MAGI2: variants seen among roughly 807,000 people sequenced by gnomAD.
MAGI2 encodes membrane-associated guanylate kinase, WW and PDZ domain-containing protein 2.
In MAGI2, 35 loss-of-function variants were observed where a neutral mutation model predicts 133.3. That is an observed-to-expected ratio of 0.26 (90% CI 0.20 to 0.35). MAGI2 has a LOEUF of 0.35. Ranked by LOEUF, MAGI2 falls within the 10% of genes least tolerant of loss-of-function variation. MAGI2 has a pLI of 1.00. For missense variants in MAGI2, 1,636 were observed against 1,863.4 expected, an observed-to-expected ratio of 0.88 and a Z score of 2.25; for synonymous variants, 729 against 710.6, an observed-to-expected ratio of 1.03 and a Z score of -0.41.
chr7:78,126,435 A>G (rs577565564), intron 19 of MAGI2, among the ~76,000 whole-genome samples: 59 of 152,318 alleles, frequency 3.9e-4, no homozygotes, highest in African/African-American at 1.3e-3. Flanking sequence ...ATAAAACACA[A>G]TGTAATCTGA....
At chr7:78,870,440 C>CA in intron 2 of MAGI2, among the ~76,000 whole-genome samples, 1 of 150,680 alleles carries the variant, frequency 6.6e-6, no homozygotes, top group South Asian at 2.1e-4. Flanking sequence ...AAAAAATATA[C>CA]AAAAAAATGC....
intron 2 of MAGI2, among the ~76,000 whole-genome samples, chr7:78,954,232 G>A (rs1802110556): frequency 6.6e-6 from 1 of 152,010 alleles, no homozygotes; most frequent in Admixed American, 6.6e-5. Flanking sequence ...TACTTCTTAT[G>A]GAGAACCCCT....
intron 1 of MAGI2, among the ~76,000 whole-genome samples, chr7:79,372,552 A>G (rs548976708): frequency 3.9e-5 from 6 of 152,172 alleles, no homozygotes; most frequent in African/African-American, 1.4e-4. Flanking sequence ...GCCTAGAACA[A>G]AAGACGGCAT....
chr7:79,111,612 C>T (rs939616188), intron 1 of MAGI2, among the ~76,000 whole-genome samples: 1 of 152,034 alleles, frequency 6.6e-6, no homozygotes, highest in Admixed American at 6.6e-5. Flanking sequence ...AATGGAAGCT[C>T]GGAGATAGTA....
intron 16 of MAGI2, among the ~76,000 whole-genome samples, chr7:78,155,622 AAAAAACAAC>A (rs1255150378): frequency 6.6e-6 from 1 of 152,142 alleles, no homozygotes; most frequent in African/African-American, 2.4e-5. Flanking sequence ...ACCATGGCTC[AAAAAACAAC>A]AAAAACAACA....
At chr7:78,719,750 T>C (rs1226662227) in intron 2 of MAGI2, among the ~76,000 whole-genome samples, 1 of 152,170 alleles carries the variant, frequency 6.6e-6, no homozygotes, top group Non-Finnish European at 1.5e-5. Context: ...GTACTATCAA[T>C]AGTTTCATTA....
At chr7:78,922,305 T>C (rs1424821205) in intron 2 of MAGI2, among the ~76,000 whole-genome samples, 1 of 152,016 alleles carries the variant, frequency 6.6e-6, no homozygotes, top group Non-Finnish European at 1.5e-5. Context: ...AGTCGTCATT[T>C]AGCATTAGGT....
At chr7:78,697,325 T>C (rs1817626738) in intron 2 of MAGI2, among the ~76,000 whole-genome samples, 1 of 152,204 alleles carries the variant, frequency 6.6e-6, no homozygotes, top group Admixed American at 6.5e-5. Flanking sequence ...TCTATTTCAC[T>C]TCAGACTGCT....
chr7:78,397,631 C>A (rs909331102), intron 6 of MAGI2, among the ~76,000 whole-genome samples: 1 of 152,104 alleles, frequency 6.6e-6, no homozygotes, highest in Non-Finnish European at 1.5e-5. Flanking sequence ...CAGGAACTCA[C>A]AGAAACCTGA....
At chr7:79,330,028 G>A (rs1210148432) in intron 1 of MAGI2, among the ~76,000 whole-genome samples, 1 of 151,986 alleles carries the variant, frequency 6.6e-6, no homozygotes, top group Non-Finnish European at 1.5e-5. Flanking sequence ...CACCCTAATA[G>A]ATGGGCTTTA....
At chr7:79,055,139 G>A (rs935536327) in intron 1 of MAGI2, among the ~76,000 whole-genome samples, 1 of 152,136 alleles carries the variant, frequency 6.6e-6, no homozygotes, top group African/African-American at 2.4e-5. Flanking sequence ...TGGACTACAC[G>A]TTGTTCCGAT....
chr7:79,081,952 G>A (rs1486979300), intron 1 of MAGI2, among the ~76,000 whole-genome samples: 1 of 152,038 alleles, frequency 6.6e-6, no homozygotes, highest in Admixed American at 6.6e-5. Flanking sequence ...TCATGTGTAA[G>A]TTTTCTGTTG....
intron 9 of MAGI2, among the ~76,000 whole-genome samples, chr7:78,329,859 C>T (rs1788989966): frequency 6.6e-6 from 1 of 152,156 alleles, no homozygotes; most frequent in South Asian, 2.1e-4. Flanking sequence ...GGTGAAATGT[C>T]CCTATTTCAG....
At chr7:78,098,855 T>C (rs1367101190) in intron 20 of MAGI2, among the ~76,000 whole-genome samples, 2 of 152,198 alleles carry the variant, frequency 1.3e-5, no homozygotes, top group Admixed American at 1.3e-4. Context: ...ATACGGAGTA[T>C]GTTTTCAGAT....
At chr7:78,464,414 C>T (rs1324004099) in intron 6 of MAGI2, among the ~76,000 whole-genome samples, 1 of 152,118 alleles carries the variant, frequency 6.6e-6, no homozygotes, top group Non-Finnish European at 1.5e-5. Flanking sequence ...TTTTGGAAGC[C>T]CTTTTGCTTG....
chr7:79,336,701 A>G (rs1248325534), intron 1 of MAGI2, among the ~76,000 whole-genome samples: 1 of 152,100 alleles, frequency 6.6e-6, no homozygotes, highest in African/African-American at 2.4e-5. Flanking sequence ...GAGATTATAT[A>G]CTATTTTTCT....
At chr7:78,406,483 T>G (rs1447040097) in intron 6 of MAGI2, among the ~76,000 whole-genome samples, 1 of 151,974 alleles carries the variant, frequency 6.6e-6, no homozygotes, top group Non-Finnish European at 1.5e-5. Flanking sequence ...TAAAACAAAT[T>G]GTGATAGAAA....
chr7:78,609,827 T>C (rs1228345258), intron 3 of MAGI2, among the ~76,000 whole-genome samples: 2 of 152,224 alleles, frequency 1.3e-5, no homozygotes, highest in Admixed American at 1.3e-4. Flanking sequence ...TGATTTCAAC[T>C]TGATAAGTCC....
At chr7:78,886,324 T>C (rs1563624028) in intron 2 of MAGI2, among the ~76,000 whole-genome samples, 1 of 152,252 alleles carries the variant, frequency 6.6e-6, no homozygotes, top group Non-Finnish European at 1.5e-5. Context: ...TCCTTTAACC[T>C]GGGCTGCATT....
Sources: allele counts gnomAD v4.1 joint callset (sites outside exome capture counted in the v4.1 genomes callset), GRCh38; gene constraint gnomAD v4.1.1; transcripts MANE v1.5; gene names NCBI Gene and HGNC (gene_info 2026-07-23, HGNC 2026-07-21).